The following CCSER2 variants were observed in gnomAD, a reference collection of about 807,000 sequenced individuals.
The protein encoded by CCSER2 is coiled-coil serine rich protein 2, also known as serine-rich coiled-coil domain-containing protein 2.
In CCSER2, 46 loss-of-function variants were observed where a neutral mutation model predicts 92.3. The observed-to-expected ratio is 0.50, with a 90% CI of 0.39 to 0.64. CCSER2 has a LOEUF of 0.64. Among genes scored for constraint, CCSER2 ranks in the 30% least tolerant of loss-of-function variants. The probability of loss-of-function intolerance (pLI) is 0.00; values close to 1 mark genes in which losing one functional copy is unlikely to be tolerated. For synonymous variants in CCSER2, 433 were observed against 431.4 expected (o/e 1.00, Z -0.04); for missense variants, 1,244 against 1,238.9 (o/e 1.00, Z -0.06).
chr10:84,353,691 C>CT (rs1419641376), intron 1 of CCSER2, among the ~76,000 whole-genome samples: 1 of 152,168 alleles, frequency 6.6e-6, no homozygotes, highest in Admixed American at 6.5e-5. Flanking sequence ...CAAGCTGCCA[C>CT]TTTCTTCTGG....
chr10:84,500,533 TG>T (rs1848668276), intron 9 of CCSER2, among the ~76,000 whole-genome samples: 1 of 152,258 alleles, frequency 6.6e-6, no homozygotes, highest in Non-Finnish European at 1.5e-5. Flanking sequence ...ACAGAAGAAA[TG>T]GCTTTTGAAT....
At chr10:84,494,989 TTTC>T (rs1848368251) in intron 9 of CCSER2, among the ~76,000 whole-genome samples, 1 of 126,286 alleles carries the variant, frequency 7.9e-6, no homozygotes. Flanking sequence ...TTTTTTTTTT[TTTC>T]TTTCTTCTTA....
chr10:84,501,822 G>GAAAAAAAA (rs11461623), intron 9 of CCSER2, among the ~76,000 whole-genome samples: 8 of 29,038 alleles, frequency 2.8e-4, no homozygotes, highest in South Asian at 1.4e-3. Flanking sequence ...GTCATCTAGG[G>GAAAAAAAA]AAAAAAAAAA....
At chr10:84,359,187 G>C (rs113156035) in intron 1 of CCSER2, among the ~76,000 whole-genome samples, 3 of 151,960 alleles carry the variant, frequency 2.0e-5, no homozygotes, top group African/African-American at 7.2e-5. Flanking sequence ...AATTCCCCTA[G>C]GATGAGTTAA....
chr10:84,512,471 G>T (rs1849414387), intron 9 of CCSER2, among the ~76,000 whole-genome samples: 1 of 146,908 alleles, frequency 6.8e-6, no homozygotes, highest in South Asian at 2.1e-4. Context: ...GGCCCAGTTG[G>T]CCCTGCCCAT....
At chr10:84,335,764 G>C (rs1396121549) in intron 1 of CCSER2, among the ~76,000 whole-genome samples, 1 of 152,082 alleles carries the variant, frequency 6.6e-6, no homozygotes, top group East Asian at 1.9e-4. Context: ...AGTGCTTTAG[G>C]GCAATTTGAG....
intron 1 of CCSER2, among the ~76,000 whole-genome samples, chr10:84,344,713 C>T (rs1363487065): frequency 6.6e-6 from 1 of 152,056 alleles, no homozygotes; most frequent in Non-Finnish European, 1.5e-5. Flanking sequence ...GTAAGGAGTC[C>T]TGAAAGAGCA....
rs1849606003 is a variant in CCSER2, at chr10:84,516,647, A to G, written c.*2380A>G. On this transcript the variant is annotated 3_prime_UTR_variant, in exon 10 of 10. Transcript: ENST00000372088. ...AATTTATTTTTAATTCCCTAGTCTGAGGGAAATGTCTTTATTGTCCATTAC... is the reference window on the plus strand; with the variant it reads ...AATTTATTTTTAATTCCCTAGTCTGGGGGAAATGTCTTTATTGTCCATTAC... 6.6e-6 allele frequency: 1 copy of G among 152,158 alleles called. No individual in the cohort carries two copies. Among genetic ancestry groups the G allele is most frequent in the South Asian group, 2.1e-4 (1 of 4,832 alleles). The allele number at this position is 152,158 out of a possible 1,614,324, so 9.4% of individuals were successfully genotyped here.
At chr10:84,421,215 G>A (rs1390731920) in intron 4 of CCSER2, among the ~76,000 whole-genome samples, 1 of 152,216 alleles carries the variant, frequency 6.6e-6, no homozygotes, top group Non-Finnish European at 1.5e-5. Context: ...AGGAGAGAAT[G>A]TTGGTCAAAT....
At chr10:84,381,584 A>G (rs1381833309) in intron 3 of CCSER2, among the ~76,000 whole-genome samples, 1 of 152,104 alleles carries the variant, frequency 6.6e-6, no homozygotes, top group African/African-American at 2.4e-5. Context: ...GGCAGAGGGT[A>G]CCCACAAGAC....
At chr10:84,379,033 G>C (rs893392624) in intron 3 of CCSER2, among the ~76,000 whole-genome samples, 1 of 152,176 alleles carries the variant, frequency 6.6e-6, no homozygotes, top group African/African-American at 2.4e-5. Context: ...TCCTTTGAAA[G>C]AATTTGTGTA....
intron 1 of CCSER2, among the ~76,000 whole-genome samples, chr10:84,332,927 A>T (rs1843659908): frequency 6.6e-6 from 1 of 152,160 alleles, no homozygotes; most frequent in Non-Finnish European, 1.5e-5. Flanking sequence ...TTTGTTATGT[A>T]TATATATTTG....
At chr10:84,425,986 G>A in intron 5 of CCSER2, 93 bp downstream of exon 5, 1 of 931,712 alleles carries the variant, frequency 1.1e-6, no homozygotes, top group Non-Finnish European at 1.5e-6. Flanking sequence ...ACCTGTTTTT[G>A]TCTGGTTTGT....
At chr10:84,469,592 A>G (rs1477224821) in intron 7 of CCSER2, among the ~76,000 whole-genome samples, 2 of 152,168 alleles carry the variant, frequency 1.3e-5, no homozygotes, top group East Asian at 3.8e-4. Context: ...TGTTATTCAC[A>G]TCTATATTTG....
Position 84,371,375 on chromosome 10 carries a change from A to G in CCSER2, c.323A>G (p.Asn108Ser). 1 of 1,613,606 alleles carries G rather than the reference A, an allele frequency of 6.2e-7. No homozygotes were observed. Among genetic ancestry groups the G allele is most frequent in the South Asian group, 1.1e-5 (1 of 90,976 alleles). ...RVPTQGMFDK[N>S]GIKGGLKSVS... Reference sequence around the variant, plus strand: ...CCTACTCAAGGAATGTTTGATAAAAATGGGATAAAGGGAGGTTTGAAAAGT... The same window carrying G: ...CCTACTCAAGGAATGTTTGATAAAAGTGGGATAAAGGGAGGTTTGAAAAGT... Residue 108 changes from asparagine (N) to serine (S), a missense_variant, in exon 2 of 10, where the codon AAT (asparagine) becomes AGT (serine). Asn to Ser is a conservative substitution (Grantham distance 46). Coordinates refer to ENST00000372088, the MANE Select transcript of CCSER2 (RefSeq NM_001284240.2).
intron 8 of CCSER2, 51 bp from the exon 9 acceptor site, chr10:84,477,524 G>C: frequency 3.3e-6 from 3 of 908,794 alleles, no homozygotes; most frequent in Non-Finnish European, 3.6e-6. Context: ...GTGTGTCTTG[G>C]TGTGTATATG....
chr10:84,333,821 A>G (rs977587873), intron 1 of CCSER2, among the ~76,000 whole-genome samples: 1 of 152,242 alleles, frequency 6.6e-6, no homozygotes, highest in East Asian at 1.9e-4. Context: ...GGGTAATGAC[A>G]GATGAATATG....
Position 84,477,644 on chromosome 10 carries a change from A to G in CCSER2, c.2305A>G (p.Thr769Ala), listed in dbSNP as rs1203314728. 1.2e-6 allele frequency: 2 copies of G among 1,605,676 alleles called. No homozygotes were observed. The highest frequency in any genetic ancestry group is 3.3e-5 in the Admixed American group (2 of 59,892). ...KCTYADKYTQ[T>A]PWRRIPPQVL... Reference sequence around the variant, plus strand: ...CACTTATGCTGATAAATATACCCAAACACCCTGGAGACGAATTCCTGTAAG... The same window carrying G: ...CACTTATGCTGATAAATATACCCAAGCACCCTGGAGACGAATTCCTGTAAG... The change falls in exon 9 of 10, where the codon ACA (threonine) becomes GCA (alanine). Residue 769 changes from threonine to alanine, a missense_variant. Coordinates refer to ENST00000372088, the MANE Select transcript of CCSER2 (RefSeq NM_001284240.2).
At chr10:84,443,489 A>G (rs1404389595) in intron 6 of CCSER2, among the ~76,000 whole-genome samples, 1 of 152,224 alleles carries the variant, frequency 6.6e-6, no homozygotes, top group Non-Finnish European at 1.5e-5. Flanking sequence ...AAGTCAGGAG[A>G]CAACAGGTGC....
Sources: allele counts gnomAD v4.1 joint callset (sites outside exome capture counted in the v4.1 genomes callset), GRCh38; gene constraint gnomAD v4.1.1; transcripts MANE v1.5; gene names NCBI Gene and HGNC (gene_info 2026-07-23, HGNC 2026-07-21).